The following RGS6 variants were observed in gnomAD, a reference collection of about 807,000 sequenced individuals.
RGS6 encodes the protein regulator of G-protein signaling 6.
In RGS6, 30 loss-of-function variants were observed where a neutral mutation model predicts 78.5. The observed-to-expected ratio is 0.38, with a 90% confidence interval of 0.29 to 0.52. RGS6 has a LOEUF of 0.52. RGS6 is among the 20% of genes least tolerant of loss of function. The pLI, the probability that RGS6 is intolerant of heterozygous loss-of-function variation, is 0.85. For missense variants in RGS6, 495 were observed against 609.7 expected (o/e 0.81, Z 1.98); for synonymous variants, 206 against 206.0 (o/e 1.00, Z 0.00).
Position 72,250,414 on chromosome 14 carries a change from C to A in RGS6, c.85-101681C>A, listed in dbSNP as rs1358416440. ...TAAATACACCGAAAAAAAAAAAAAA[C>A]CCCAAGGGATGTAAAAACATTGAGA... On this transcript the variant is annotated intron_variant, in intron 2 of 17. Coordinates refer to ENST00000553525, the MANE Select transcript of RGS6 (RefSeq NM_001204424.2). Among the ~76,000 whole-genome samples the A allele has an allele frequency of 9.3e-3, 462 of 49,794 alleles. 9 individuals carry two copies. Among genetic ancestry groups the A allele is most frequent in the Middle Eastern group, 0.015 (1 of 68 alleles). 32.7% of individuals were successfully genotyped at this position (49,794 alleles called of 152,430 possible).
At chr14:71,988,455 A>G (rs2094815556) in intron 2 of RGS6, among the ~76,000 whole-genome samples, 1 of 152,166 alleles carries the variant, frequency 6.6e-6, no homozygotes, top group African/African-American at 2.4e-5. Flanking sequence ...AAGAGAAGCC[A>G]TATTTTGTGA....
chr14:72,115,913 G>A (rs183984486), intron 2 of RGS6, among the ~76,000 whole-genome samples: 56 of 152,280 alleles, frequency 3.7e-4, no homozygotes, highest in African/African-American at 1.3e-3. Context: ...TGTTTTATAA[G>A]GGCCAGCCTT....
chr14:71,940,470 G>A (rs564495739), intron 1 of RGS6, among the ~76,000 whole-genome samples: 54 of 152,288 alleles, frequency 3.5e-4, no homozygotes, highest in Middle Eastern at 3.4e-3. Flanking sequence ...TTCTGTTTGT[G>A]TAATTGAAGT....
intron 2 of RGS6, among the ~76,000 whole-genome samples, chr14:72,167,431 C>T (rs916100935): frequency 6.6e-6 from 1 of 152,218 alleles, no homozygotes; most frequent in Non-Finnish European, 1.5e-5. Context: ...TTACAGCACC[C>T]ACCCACATAC....
chr14:72,321,048 A>G (rs2071840711), intron 2 of RGS6, among the ~76,000 whole-genome samples: 1 of 151,296 alleles, frequency 6.6e-6, no homozygotes, highest in South Asian at 2.1e-4. Context: ...TAAACATATA[A>G]TATATATTAA....
the RGS6 span, among the ~76,000 whole-genome samples, chr14:71,890,358 C>CAGACAGACAGAGAGAGAGAG: frequency 8.3e-5 from 11 of 133,010 alleles, no homozygotes; most frequent in African/African-American, 3.0e-4. Flanking sequence ...GTGCATAAGA[C>CAGACAGACAGAGAGAGAGAG]AGAGAGAGAG....
intron 2 of RGS6, among the ~76,000 whole-genome samples, chr14:72,287,823 C>A (rs1047563544): frequency 6.6e-6 from 1 of 152,184 alleles, no homozygotes; most frequent in African/African-American, 2.4e-5. Context: ...CTTGGAAGGT[C>A]AGATGCTTTC....
chr14:71,897,884 T>G, the RGS6 span, among the ~76,000 whole-genome samples: 7 of 152,076 alleles, frequency 4.6e-5, no homozygotes, highest in African/African-American at 1.4e-4. Flanking sequence ...AATGCTCACT[T>G]AAACATTTTT....
intron 2 of RGS6, among the ~76,000 whole-genome samples, chr14:72,166,745 A>G (rs566794124): frequency 3.9e-5 from 6 of 152,358 alleles, no homozygotes; most frequent in African/African-American, 1.2e-4. Flanking sequence ...TTATAGACCT[A>G]TTGATCTCAG....
intron 2 of RGS6, among the ~76,000 whole-genome samples, chr14:72,158,601 G>A (rs756710607): frequency 4.6e-5 from 7 of 152,090 alleles, no homozygotes; most frequent in South Asian, 4.2e-4. Context: ...AATTATGTTC[G>A]TCACCTCCTG....
chr14:72,487,436 C>A (rs1030508528), intron 12 of RGS6, among the ~76,000 whole-genome samples: 1 of 152,204 alleles, frequency 6.6e-6, no homozygotes, highest in Non-Finnish European at 1.5e-5. Context: ...GGTTATGTTA[C>A]ATGGCAAGGA....
intron 3 of RGS6, among the ~76,000 whole-genome samples, chr14:72,434,877 A>C (rs2094828102): frequency 6.6e-6 from 1 of 151,818 alleles, no homozygotes. Context: ...ATCTATCTGC[A>C]ATCTCTGTGT....
At chr14:72,303,088 A>G (rs981685554) in intron 2 of RGS6, among the ~76,000 whole-genome samples, 2 of 152,332 alleles carry the variant, frequency 1.3e-5, no homozygotes, top group South Asian at 4.1e-4. Context: ...TATTAGCAGC[A>G]TGAGAACAGA....
intron 8 of RGS6, among the ~76,000 whole-genome samples, chr14:72,470,652 G>GA (rs1272530542): frequency 6.6e-6 from 1 of 151,738 alleles, no homozygotes; most frequent in Non-Finnish European, 1.5e-5. Flanking sequence ...CCGAGGTGGG[G>GA]GTGGATCACC....
chr14:72,189,539 G>A (rs1205653297), intron 2 of RGS6, among the ~76,000 whole-genome samples: 3 of 152,238 alleles, frequency 2.0e-5, no homozygotes, highest in Non-Finnish European at 2.9e-5. Context: ...TGAGGTGGCC[G>A]CCAGACACTC....
chr14:72,482,862 C>T (rs2096409040), intron 12 of RGS6, among the ~76,000 whole-genome samples: 1 of 152,198 alleles, frequency 6.6e-6, no homozygotes, highest in Non-Finnish European at 1.5e-5. Flanking sequence ...TGAAACTGAA[C>T]TACCACACCA....
intron 2 of RGS6, among the ~76,000 whole-genome samples, chr14:72,160,897 A>G (rs1357358151): frequency 6.6e-6 from 1 of 152,218 alleles, no homozygotes; most frequent in Non-Finnish European, 1.5e-5. Context: ...ACAACCACCT[A>G]CTTTTTAGAA....
rs972185323 is a variant in RGS6 at position 72,318,343 on chromosome 14, C to T, written c.85-33752C>T. On this transcript the variant is annotated intron_variant, in intron 2 of 17. Coordinates refer to ENST00000553525, the MANE Select transcript of RGS6 (RefSeq NM_001204424.2). ...CATGCTGGCAGCTGATTTGATGGTG[C>T]CCACCCAGATTAAGGATGGGTCTGC... Among the ~76,000 whole-genome samples the T allele has an allele frequency of 2.0e-5, 3 of 152,096 alleles. No homozygotes were observed. In the South Asian group the frequency reaches 6.2e-4, roughly 32 times the overall value.
chr14:72,015,852 G>A (rs769943023), intron 2 of RGS6, among the ~76,000 whole-genome samples: 1 of 152,176 alleles, frequency 6.6e-6, no homozygotes, highest in Non-Finnish European at 1.5e-5. Context: ...GTGGCCGTCT[G>A]AGTTTCGTCT....
Sources: gnomAD v4.1 joint callset for allele counts (sites outside exome capture counted in the v4.1 genomes callset) on GRCh38, gnomAD v4.1.1 for gene constraint, MANE v1.5 for transcripts, NCBI Gene and HGNC (gene_info 2026-07-23, HGNC 2026-07-21) for gene names.